TBC1D19: variants seen among roughly 807,000 people sequenced by gnomAD.
TBC1D19 encodes the protein TBC1 domain family, member 19.
A neutral mutation model predicts 89.0 loss-of-function variants in TBC1D19; 60 were observed. The observed-to-expected ratio is 0.67, with a 90% CI of 0.55 to 0.84. TBC1D19 has a LOEUF of 0.84. Among genes scored for constraint, TBC1D19 ranks in the 40% least tolerant of loss-of-function variants. The pLI is 0.00. For synonymous variants in TBC1D19, 189 were observed against 199.7 expected, an observed-to-expected ratio of 0.95 and a Z score of 0.45; for missense variants, 500 against 610.8, an observed-to-expected ratio of 0.82 and a Z score of 1.91.
intron 11 of TBC1D19, among the ~76,000 whole-genome samples, chr4:26,674,477 T>G (rs997440576): frequency 2.0e-5 from 3 of 152,020 alleles, no homozygotes; most frequent in African/African-American, 7.2e-5. Context: ...TTTTTGTTTG[T>G]TTTTTGCTTA....
At chr4:26,599,131 T>G (rs1740432533) in intron 1 of TBC1D19, among the ~76,000 whole-genome samples, 1 of 152,182 alleles carries the variant, frequency 6.6e-6, no homozygotes, top group South Asian at 2.1e-4. Context: ...GATTCATACT[T>G]TAAAAGAATA....
intron 1 of TBC1D19, 64 bp downstream of exon 1, chr4:26,584,356 C>T (rs1164284517): frequency 5.4e-6 from 8 of 1,469,978 alleles, no homozygotes; most frequent in Non-Finnish European, 7.5e-6. Context: ...TCTTCTTCAC[C>T]CTCCTCACCC....
chr4:26,795,708 A>T, the TBC1D19 span, among the ~76,000 whole-genome samples: 1 of 152,116 alleles, frequency 6.6e-6, no homozygotes, highest in South Asian at 2.1e-4. Flanking sequence ...TGATGTGATT[A>T]CTCTTCTAAT....
the TBC1D19 span, among the ~76,000 whole-genome samples, chr4:26,792,519 A>G: frequency 6.6e-6 from 1 of 152,184 alleles, no homozygotes; most frequent in Non-Finnish European, 1.5e-5. Context: ...GGAGGCGAAT[A>G]TGGGGTCAGG....
At chr4:26,586,170 G>GTTTTTTTTTTTTTTTTTTTTT (rs1560396710) in intron 1 of TBC1D19, among the ~76,000 whole-genome samples, 1 of 135,150 alleles carries the variant, frequency 7.4e-6, no homozygotes, top group Non-Finnish European at 1.5e-5. Flanking sequence ...TGCAAGGTAA[G>GTTTTTTTTTTTTTTTTTTTTT]CTTTTTTTTT....
chr4:26,622,349 T>C (rs532771464), intron 4 of TBC1D19, among the ~76,000 whole-genome samples: 3 of 152,244 alleles, frequency 2.0e-5, no homozygotes, highest in South Asian at 4.1e-4. Flanking sequence ...AGAGAAAGTA[T>C]CAGTTTTAAC....
At chr4:26,778,946 A>T in the TBC1D19 span, among the ~76,000 whole-genome samples, 1 of 152,210 alleles carries the variant, frequency 6.6e-6, no homozygotes, top group Admixed American at 6.5e-5. Context: ...ACCCCTATCA[A>T]TTAAATCAAA....
the TBC1D19 span, among the ~76,000 whole-genome samples, chr4:26,832,488 C>G: frequency 1.4e-4 from 21 of 152,148 alleles, no homozygotes; most frequent in African/African-American, 4.6e-4. Flanking sequence ...GTAGAAACAC[C>G]GGTCCTCTTA....
chr4:26,830,377 C>T, the TBC1D19 span, among the ~76,000 whole-genome samples: 1 of 152,084 alleles, frequency 6.6e-6, no homozygotes, highest in East Asian at 1.9e-4. Context: ...TGACATCCCA[C>T]CTCTGCAGAC....
intron 7 of TBC1D19, among the ~76,000 whole-genome samples, chr4:26,648,931 CT>C (rs750764119): frequency 6.6e-6 from 1 of 151,958 alleles, no homozygotes; most frequent in South Asian, 2.1e-4. Flanking sequence ...ATGCTGAGAT[CT>C]TTTTAAAATT....
chr4:26,601,543 G>A (rs1740610840), intron 1 of TBC1D19, among the ~76,000 whole-genome samples: 1 of 152,210 alleles, frequency 6.6e-6, no homozygotes, highest in African/African-American at 2.4e-5. Flanking sequence ...ATGGGAGTGA[G>A]TTCCCAATGT....
At chr4:26,620,483 A>G in intron 3 of TBC1D19, 130 bp from the exon 4 acceptor site, 1 of 733,226 alleles carries the variant, frequency 1.4e-6, no homozygotes, top group Admixed American at 2.9e-5. Context: ...TTTTCTTAAT[A>G]AAAACAGTAC....
the TBC1D19 span, among the ~76,000 whole-genome samples, chr4:26,787,101 GT>G: frequency 0.32 from 41,436 of 129,192 alleles, 5,484 homozygotes; most frequent in African/African-American, 0.37. Flanking sequence ...AGAGGAACTA[GT>G]TTTTTTTTTT....
chr4:26,605,215 C>A, intron 1 of TBC1D19, among the ~76,000 whole-genome samples: 1 of 122,920 alleles, frequency 8.1e-6, no homozygotes, highest in Non-Finnish European at 1.7e-5. Flanking sequence ...CCCCCCACCC[C>A]ACAACAGTCC....
At chr4:26,787,057 G>T in the TBC1D19 span, among the ~76,000 whole-genome samples, 15 of 151,532 alleles carry the variant, frequency 9.9e-5, no homozygotes, top group Admixed American at 6.6e-5. Flanking sequence ...GACAAGGCTT[G>T]TGAAGCACCT....
the TBC1D19 span, among the ~76,000 whole-genome samples, chr4:26,779,065 G>T: frequency 6.6e-6 from 1 of 152,288 alleles, no homozygotes; most frequent in African/African-American, 2.4e-5. Flanking sequence ...AGTCCTTCAT[G>T]TTCCTAAGAA....
intron 8 of TBC1D19, among the ~76,000 whole-genome samples, chr4:26,661,144 T>A (rs528660645): frequency 1.3e-5 from 2 of 151,978 alleles, no homozygotes; most frequent in South Asian, 4.2e-4. Flanking sequence ...TGACTCCTCC[T>A]CCCCCACAGA....
chr4:26,666,526 C>A, intron 9 of TBC1D19, 121 bp downstream of exon 9: 1 of 708,770 alleles, frequency 1.4e-6, no homozygotes, highest in Non-Finnish European at 2.3e-6. Context: ...ATGCTTTTGC[C>A]TCTCCTTGGT....
At chr4:26,623,194 T>C (rs1742179418) in intron 4 of TBC1D19, among the ~76,000 whole-genome samples, 1 of 152,190 alleles carries the variant, frequency 6.6e-6, no homozygotes, top group Admixed American at 6.6e-5. Context: ...CAGACTTCTG[T>C]TCTGTCTGCC....
Sources: gnomAD v4.1 joint callset for allele counts (sites outside exome capture counted in the v4.1 genomes callset) on GRCh38, gnomAD v4.1.1 for gene constraint, MANE v1.5 for transcripts, NCBI Gene and HGNC (gene_info 2026-07-23, HGNC 2026-07-21) for gene names.